CNTLN: variants seen among roughly 807,000 people sequenced by gnomAD.
The protein encoded by CNTLN is centlein.
CNTLN carries 212 observed loss-of-function variants against 180.0 expected under a neutral mutation model. The observed-to-expected ratio is 1.18, with a 90% CI of 1.05 to 1.32. CNTLN has a LOEUF of 1.32. CNTLN is among the 40% of genes most tolerant of loss of function. The pLI is 0.00. For synonymous variants in CNTLN, 722 were observed against 563.1 expected (o/e 1.28, Z -3.99); for missense variants, 2,095 against 1,610.9 (o/e 1.30, Z -5.14).
intron 18 of CNTLN, among the ~76,000 whole-genome samples, chr9:17,446,975 T>C (rs961625084): frequency 2.6e-5 from 4 of 152,242 alleles, no homozygotes; most frequent in Admixed American, 2.6e-4. Context: ...ATAATTGTAC[T>C]TTAAAAGTTA....
chr9:17,234,514 T>C (rs1184616368), intron 3 of CNTLN, among the ~76,000 whole-genome samples: 1 of 152,138 alleles, frequency 6.6e-6, no homozygotes, highest in African/African-American at 2.4e-5. Flanking sequence ...AAATCCACTT[T>C]TCATCATAAT....
intron 2 of CNTLN, among the ~76,000 whole-genome samples, chr9:17,182,079 T>A (rs1400063898): frequency 6.6e-6 from 1 of 152,146 alleles, no homozygotes; most frequent in African/African-American, 2.4e-5. Context: ...TTAGGGAGGC[T>A]GGGGAGCCTC....
chr9:17,165,620 C>A (rs1411370791), intron 2 of CNTLN, among the ~76,000 whole-genome samples: 1 of 152,096 alleles, frequency 6.6e-6, no homozygotes, highest in Non-Finnish European at 1.5e-5. Flanking sequence ...CTCATTAAGG[C>A]AGGAGGCAGG....
chr9:17,331,746 A>T (rs1250374316), intron 9 of CNTLN, among the ~76,000 whole-genome samples: 1 of 152,080 alleles, frequency 6.6e-6, no homozygotes, highest in African/African-American at 2.4e-5. Flanking sequence ...ATTAAAACAT[A>T]ACTGCATTAT....
intron 7 of CNTLN, among the ~76,000 whole-genome samples, chr9:17,306,602 G>A (rs1187793691): frequency 6.6e-6 from 1 of 152,156 alleles, no homozygotes; most frequent in Admixed American, 6.5e-5. Flanking sequence ...CACATCCTTG[G>A]CACTAGTGGC....
rs900614520 is a variant in CNTLN at position 17,309,403 on chromosome 9, G to C, written c.1341+151G>C. ...TTTTGCATTATACTGTTTTTATACT[G>C]TTTGTAGGCATGAATATTACATACA... is the stretch of plus-strand genomic sequence containing the variant. On this transcript the variant is annotated intron_variant, in intron 8 of 25. Coordinates refer to ENST00000380647, the MANE Select transcript of CNTLN (RefSeq NM_017738.4). 7.1e-6 allele frequency: 4 copies of C among 560,196 alleles called. No individual in the cohort carries two copies. In the East Asian group the frequency reaches 8.8e-5, roughly 12 times the overall value. The allele number at this position is 560,196 out of a possible 1,614,324, so 34.7% of individuals were successfully genotyped here. A position where few individuals can be genotyped will look rare whatever the true frequency, so the allele number is the denominator to read the frequency against.
chr9:17,302,121 G>GAC (rs1818409962), intron 7 of CNTLN: 16 of 445,808 alleles, frequency 3.6e-5, no homozygotes, highest in Non-Finnish European at 4.0e-5. Context: ...CACACACACA[G>GAC]ACACACACAC....
At chr9:17,216,690 A>T (rs1563891460) in intron 2 of CNTLN, among the ~76,000 whole-genome samples, 1 of 152,116 alleles carries the variant, frequency 6.6e-6, no homozygotes, top group South Asian at 2.1e-4. Flanking sequence ...CTGTAAGTTT[A>T]TGTTATATTC....
intron 13 of CNTLN, among the ~76,000 whole-genome samples, chr9:17,381,598 T>G (rs571737134): frequency 6.6e-6 from 1 of 152,350 alleles, no homozygotes; most frequent in Non-Finnish European, 1.5e-5. Flanking sequence ...CATAATTTAG[T>G]CTTTTATCAT....
intron 6 of CNTLN, among the ~76,000 whole-genome samples, chr9:17,279,603 T>A (rs1293996236): frequency 6.6e-6 from 1 of 151,854 alleles, no homozygotes; most frequent in East Asian, 1.9e-4. Context: ...AAGCCATAGA[T>A]CTTTGTTTTT....
intron 12 of CNTLN, among the ~76,000 whole-genome samples, chr9:17,352,402 A>G (rs1186746972): frequency 3.4e-5 from 2 of 59,194 alleles, no homozygotes; most frequent in East Asian, 2.0e-3. Flanking sequence ...ATATATATAT[A>G]TATATATATA....
chr9:17,268,916 G>T (rs575006395), intron 5 of CNTLN, among the ~76,000 whole-genome samples: 2 of 152,010 alleles, frequency 1.3e-5, no homozygotes, highest in East Asian at 1.9e-4. Flanking sequence ...GGAGTGACCC[G>T]ATTTTCCAGG....
At chr9:17,525,182 A>G in the CNTLN span, among the ~76,000 whole-genome samples, 2 of 152,174 alleles carry the variant, frequency 1.3e-5, no homozygotes, top group Non-Finnish European at 2.9e-5. Context: ...AATGACCAAA[A>G]TATCCCTCCA....
intron 2 of CNTLN, among the ~76,000 whole-genome samples, chr9:17,214,283 G>A (rs1158769403): frequency 1.3e-5 from 2 of 152,146 alleles, no homozygotes; most frequent in East Asian, 1.9e-4. Flanking sequence ...TTGCTTGTCT[G>A]TAAAGTATTT....
At chr9:17,523,434 A>G in the CNTLN span, among the ~76,000 whole-genome samples, 3 of 151,980 alleles carry the variant, frequency 2.0e-5, no homozygotes, top group Non-Finnish European at 4.4e-5. Context: ...ACGGGGTTTC[A>G]TCATGTTGGC....
At chr9:17,230,836 T>TAAGC (rs1824768632) in intron 3 of CNTLN, among the ~76,000 whole-genome samples, 1 of 152,010 alleles carries the variant, frequency 6.6e-6, no homozygotes, top group African/African-American at 2.4e-5. Context: ...GAGTACTGCT[T>TAAGC]GCCCCCTTCC....
intron 8 of CNTLN, among the ~76,000 whole-genome samples, chr9:17,316,093 T>G (rs1390656440): frequency 6.6e-6 from 1 of 152,012 alleles, no homozygotes; most frequent in Non-Finnish European, 1.5e-5. Flanking sequence ...TCTATCAGGT[T>G]TTGCTTCATG....
intron 19 of CNTLN, among the ~76,000 whole-genome samples, chr9:17,459,840 C>G (rs748496573): frequency 9.9e-5 from 15 of 151,580 alleles, no homozygotes; most frequent in African/African-American, 3.4e-4. Context: ...CTCATTTTAC[C>G]TGAATTATCT....
intron 25 of CNTLN, among the ~76,000 whole-genome samples, chr9:17,490,496 G>T (rs1353688030): frequency 1.3e-5 from 2 of 152,064 alleles, no homozygotes; most frequent in Non-Finnish European, 2.9e-5. Flanking sequence ...GGCATAAAAT[G>T]TTACATACTT....
Sources: gnomAD v4.1 joint callset for allele counts (sites outside exome capture counted in the v4.1 genomes callset) on GRCh38, gnomAD v4.1.1 for gene constraint, MANE v1.5 for transcripts, NCBI Gene and HGNC (gene_info 2026-07-23, HGNC 2026-07-21) for gene names.